RANBP2: variants seen among roughly 807,000 people sequenced by gnomAD.
The protein encoded by RANBP2 is RAN binding protein 2, also known as E3 SUMO-protein ligase RanBP2.
Under a neutral mutation model 303.6 loss-of-function variants are expected in RANBP2, and 57 were observed. The ratio of observed to expected loss-of-function variants is 0.19; its 90% confidence interval spans 0.15 to 0.23. RANBP2 has a LOEUF of 0.23. Among genes scored for constraint, RANBP2 ranks in the 10% least tolerant of loss-of-function variants. RANBP2 has a pLI of 1.00. For missense variants in RANBP2, 3,138 were observed against 3,780.8 expected (o/e 0.83, Z 4.46); for synonymous variants, 1,167 against 1,301.5 (o/e 0.90, Z 2.23).
the RANBP2 span, among the ~76,000 whole-genome samples, chr2:109,630,391 G>A: frequency 5.3e-5 from 8 of 152,238 alleles, no homozygotes; most frequent in Non-Finnish European, 1.0e-4. Context: ...CCAAGGCCAG[G>A]TAGTACTCCA....
chr2:109,703,524 G>A, the RANBP2 span, among the ~76,000 whole-genome samples: 1 of 152,206 alleles, frequency 6.6e-6, no homozygotes, highest in African/African-American at 2.4e-5. Context: ...TGCCTCCTGG[G>A]TTCAAGCAGT....
chr2:109,323,247 G>A, the RANBP2 span, among the ~76,000 whole-genome samples: 1 of 152,190 alleles, frequency 6.6e-6, no homozygotes, highest in East Asian at 1.9e-4. Flanking sequence ...CAGGTCTTGG[G>A]CTGGGAGTCA....
At chr2:109,094,579 C>T in the RANBP2 span, among the ~76,000 whole-genome samples, 2 of 152,190 alleles carry the variant, frequency 1.3e-5, no homozygotes, top group African/African-American at 4.8e-5. Context: ...CCTGTGTTCT[C>T]AGCACTTTGG....
intron 9 of RANBP2, among the ~76,000 whole-genome samples, chr2:108,749,545 G>A (rs1321634130): frequency 2.6e-5 from 4 of 151,874 alleles, no homozygotes; most frequent in Non-Finnish European, 4.4e-5. Flanking sequence ...TGATCCACCT[G>A]CCTTGGCCTC....
At chr2:108,812,726 C>T in the RANBP2 span, 1 of 1,603,902 alleles carries the variant, frequency 6.2e-7, no homozygotes, top group Non-Finnish European at 8.5e-7. Flanking sequence ...GCCTGTTCTT[C>T]TCTACAGACA....
the RANBP2 span, chr2:109,544,392 G>A: frequency 4.3e-3 from 6,615 of 1,536,696 alleles, 18 homozygotes; most frequent in Non-Finnish European, 5.2e-3. Flanking sequence ...TAGCAAACAT[G>A]CATCTAGTAT....
At chr2:109,695,401 C>T in the RANBP2 span, among the ~76,000 whole-genome samples, 1 of 152,200 alleles carries the variant, frequency 6.6e-6, no homozygotes, top group African/African-American at 2.4e-5. Context: ...GGATCCTCTG[C>T]AATCTCCTTG....
At chr2:109,347,864 C>T in the RANBP2 span, 1 of 1,613,552 alleles carries the variant, frequency 6.2e-7, no homozygotes, top group Non-Finnish European at 8.5e-7. Context: ...CAGCCCTTGC[C>T]ACACGCCCCG....
chr2:108,912,078 G>A, the RANBP2 span, among the ~76,000 whole-genome samples: 2 of 152,200 alleles, frequency 1.3e-5, no homozygotes, highest in African/African-American at 4.8e-5. Flanking sequence ...TGAAGCTGAC[G>A]AGCTGGGTGC....
the RANBP2 span, among the ~76,000 whole-genome samples, chr2:108,874,228 T>G: frequency 6.6e-6 from 1 of 152,110 alleles, no homozygotes; most frequent in Non-Finnish European, 1.5e-5. Flanking sequence ...GGAATGAGAA[T>G]GAAGCAAGCA....
At chr2:109,138,850 A>G in the RANBP2 span, among the ~76,000 whole-genome samples, 3 of 152,216 alleles carry the variant, frequency 2.0e-5, no homozygotes, top group African/African-American at 7.2e-5. Context: ...CCCTGTTGCA[A>G]ATACTGTGTT....
the RANBP2 span, chr2:109,371,736 C>T: frequency 1.3e-6 from 2 of 1,501,940 alleles, no homozygotes; most frequent in African/African-American, 2.8e-5. Context: ...CCTTGTTTCA[C>T]TACAGTGGGG....
At chr2:109,321,417 C>T in the RANBP2 span, among the ~76,000 whole-genome samples, 1 of 152,204 alleles carries the variant, frequency 6.6e-6, no homozygotes, top group Non-Finnish European at 1.5e-5. Context: ...TAGTTGAGTT[C>T]AGGGCATACA....
chr2:109,545,365 T>TA, the RANBP2 span: 1 of 1,501,274 alleles, frequency 6.7e-7, no homozygotes, highest in East Asian at 2.5e-5. Context: ...AAAACTTGGG[T>TA]AACTGATTTT....
the RANBP2 span, among the ~76,000 whole-genome samples, chr2:109,687,662 G>A: frequency 2.6e-5 from 4 of 152,076 alleles, no homozygotes; most frequent in East Asian, 3.9e-4. Context: ...GCTCTGTAGC[G>A]ACTCTGTACC....
At chr2:109,414,518 C>T in the RANBP2 span, among the ~76,000 whole-genome samples, 3 of 152,162 alleles carry the variant, frequency 2.0e-5, no homozygotes, top group Non-Finnish European at 2.9e-5. Context: ...CAATCAGAGG[C>T]TCACAGACGC....
chr2:109,720,420 A>T, the RANBP2 span, among the ~76,000 whole-genome samples: 1 of 152,144 alleles, frequency 6.6e-6, no homozygotes, highest in Non-Finnish European at 1.5e-5. Flanking sequence ...AGCTTTAAAA[A>T]AAATGGCAAC....
chr2:109,510,820 G>A, the RANBP2 span, among the ~76,000 whole-genome samples: 1 of 152,360 alleles, frequency 6.6e-6, no homozygotes, highest in South Asian at 2.1e-4. Context: ...AAGCAAGAGA[G>A]GCTTTCCTGC....
At chr2:109,473,833 CT>C in the RANBP2 span, among the ~76,000 whole-genome samples, 7 of 151,850 alleles carry the variant, frequency 4.6e-5, no homozygotes, top group African/African-American at 1.7e-4. Flanking sequence ...CAGGCTGTCT[CT>C]TTTTTGGGGT....
Sources: gnomAD v4.1 joint callset for allele counts (sites outside exome capture counted in the v4.1 genomes callset) on GRCh38, gnomAD v4.1.1 for gene constraint, MANE v1.5 for transcripts, NCBI Gene and HGNC (gene_info 2026-07-23, HGNC 2026-07-21) for gene names.